The following LONRF2 variants were observed in gnomAD, a reference collection of about 807,000 sequenced individuals.
The protein encoded by LONRF2 is LON peptidase N-terminal domain and ring finger 2, also known as LON peptidase N-terminal domain and RING finger protein 2.
LONRF2 carries 35 observed loss-of-function variants against 66.6 expected under a neutral mutation model. The observed-to-expected ratio is 0.53, with a 90% CI of 0.40 to 0.70. LONRF2 has a LOEUF of 0.70. LONRF2 is among the 30% of genes least tolerant of loss of function. LONRF2 has a pLI of 0.00. For synonymous variants in LONRF2, 417 were observed against 418.1 expected (o/e 1.00, Z 0.03); for missense variants, 902 against 1,002.1 (o/e 0.90, Z 1.35).
chr2:100,315,883 T>C (rs576326168), intron 1 of LONRF2, among the ~76,000 whole-genome samples: 1 of 152,338 alleles, frequency 6.6e-6, no homozygotes, highest in Admixed American at 6.5e-5. Flanking sequence ...TCCTAGCATC[T>C]TGAAATGGAA....
At position 100,290,353 on chromosome 2, in the gene LONRF2, C is replaced by T. The variant is rs938880117; in HGVS notation, c.1825G>A (p.Val609Ile). The stretch of plus-strand genomic sequence containing the variant: ...AACCGACTGATGCCAATCGCGTCTA[C>T]AACAGAACTTCCATCAGGAAACGTT... ...VRTFPDGSSV[V>I]DAIGISRFRV... Residue 609 changes from valine (V) to isoleucine (I), a missense_variant, in exon 10 of 12, where the codon GTA becomes ATA. Val to Ile is a conservative substitution (Grantham distance 29, BLOSUM62 3). Transcript: ENST00000393437. 3.7e-6 allele frequency: 6 copies of T among 1,614,200 alleles called. No individual in the cohort carries two copies. The highest frequency in any genetic ancestry group is 8.5e-7 in the Non-Finnish European group (1 of 1,180,042).
At chr2:100,300,019 A>AAAGG (rs770492793) in intron 4 of LONRF2, 101 bp from the exon 5 acceptor site, 2 of 396,476 alleles carry the variant, frequency 5.0e-6, no homozygotes, top group Non-Finnish European at 9.0e-6. Context: ...GGAAAAAAAA[A>AAAGG]GGGGGGGGCA....
At position 100,321,937 on chromosome 2, in the gene LONRF2, G is replaced by A. The variant is rs1675643046; in HGVS notation, c.157C>T (p.Leu53=). 3.5e-6 allele frequency: 5 copies of A among 1,409,442 alleles called. No homozygotes were observed. Among genetic ancestry groups the A allele is most frequent in the Non-Finnish European group, 4.6e-6 (5 of 1,078,852 alleles). The allele number at this position is 1,409,442 out of a possible 1,614,324, so 87.3% of individuals were successfully genotyped here. A position where few individuals can be genotyped will look rare whatever the true frequency, so the allele number is the denominator to read the frequency against. The change falls in exon 1 of 12, where the codon CTG becomes TTG. Residue 53 remains leucine (L), a synonymous_variant. Transcript: ENST00000393437. ...AELFRSMLAG[L]AQPDRGLCLR... ...CACAGGCCGCGGTCCGGCTGCGCCA[G>A]CCCGGCTAGCATGGAGCGAAAGAGC...
rs1292637362 is a variant in LONRF2 at position 100,322,101 on chromosome 2, G to C, written c.-8C>G. 1 of 1,247,866 alleles carries C rather than the reference G, an allele frequency of 8.0e-7. No homozygotes were observed. The highest frequency in any genetic ancestry group is 1.6e-5 in the African/African-American group (1 of 63,988). The allele number at this position is 1,247,866 out of a possible 1,614,324, so 77.3% of individuals were successfully genotyped here. A position where few individuals can be genotyped will look rare whatever the true frequency, so the allele number is the denominator to read the frequency against. ...GACCGGCTCGGGGCTCATCACCGCGGGGCTGCGACGACGCGGGTCCGGAGC... is the reference window on the plus strand; with the variant it reads ...GACCGGCTCGGGGCTCATCACCGCGCGGCTGCGACGACGCGGGTCCGGAGC... On this transcript the variant is annotated 5_prime_UTR_variant, in exon 1 of 12. Transcript: ENST00000393437.
At chr2:100,321,271 T>A (rs1675617493) in intron 1 of LONRF2, 144 bp downstream of exon 1, 1 of 721,094 alleles carries the variant, frequency 1.4e-6, no homozygotes, top group African/African-American at 1.9e-5. Flanking sequence ...CCTTTCACCT[T>A]CCCATCCTTA....
intron 1 of LONRF2, among the ~76,000 whole-genome samples, chr2:100,311,420 T>C (rs1675406415): frequency 6.6e-6 from 1 of 152,266 alleles, no homozygotes; most frequent in South Asian, 2.1e-4. Context: ...GCTTGGGTTA[T>C]GCCTGCTGCA....
rs1227910865 is a variant in LONRF2, at chr2:100,321,756, A to G, written c.338T>C (p.Leu113Pro). The G allele has an allele frequency of 1.9e-6, 2 of 1,049,198 alleles. No individual in the cohort carries two copies. The highest frequency in any genetic ancestry group is 1.1e-6 in the Non-Finnish European group (1 of 874,394). The allele number at this position is 1,049,198 out of a possible 1,614,324, so 65.0% of individuals were successfully genotyped here. ...VRAVGLRDRP[L>P]SAENPGGEPE... ...CTCGCCGCCCGGGTTCTCCGCGGAC[A>G]GCGGCCGGTCGCGCAGGCCCACGGC... is the stretch of plus-strand genomic sequence containing the variant. The change falls in exon 1 of 12, where the codon CTG becomes CCG. Residue 113 changes from leucine to proline, a missense_variant. By Grantham distance (98) the Leu-to-Pro change is moderately conservative (BLOSUM62 -3). Coordinates refer to ENST00000393437, the MANE Select transcript of LONRF2 (RefSeq NM_198461.4).
Position 100,321,330 on chromosome 2 carries a change from G to C in LONRF2, c.679+85C>G, listed in dbSNP as rs1675618419. 9 of 1,194,856 alleles carry C rather than the reference G, an allele frequency of 7.5e-6. No homozygotes were observed. The East Asian group carries it at 2.9e-4, about 38-fold the overall frequency. The allele number at this position is 1,194,856 out of a possible 1,614,324, so 74.0% of individuals were successfully genotyped here. A position where few individuals can be genotyped will look rare whatever the true frequency, so the allele number is the denominator to read the frequency against. On this transcript the variant is annotated intron_variant, in intron 1 of 11. Transcript: ENST00000393437. ...TAGACAAAGCTCTCGAAAGCCCAAA[G>C]CCTCGGGCCCACCGGCCAGCTCCCC...
At chr2:100,317,670 G>C (rs559069487) in intron 1 of LONRF2, among the ~76,000 whole-genome samples, 2 of 152,008 alleles carry the variant, frequency 1.3e-5, no homozygotes, top group East Asian at 1.9e-4. Context: ...TTTAGCTTGA[G>C]TTATTTCTTT....
At chr2:100,307,360 G>A (rs930201792) in intron 2 of LONRF2, among the ~76,000 whole-genome samples, 9 of 152,162 alleles carry the variant, frequency 5.9e-5, no homozygotes, top group African/African-American at 1.2e-4. Flanking sequence ...ATATTCATTT[G>A]CTGCCTCCCT....
chr2:100,306,915 G>A (rs1210344184), intron 2 of LONRF2, among the ~76,000 whole-genome samples: 1 of 138,056 alleles, frequency 7.2e-6, no homozygotes, highest in Non-Finnish European at 1.5e-5. Context: ...TTTTGAGGTG[G>A]AGTCTCGCTC....
At chr2:100,318,630 C>A (rs1294947468) in intron 1 of LONRF2, among the ~76,000 whole-genome samples, 1 of 147,712 alleles carries the variant, frequency 6.8e-6, no homozygotes, top group East Asian at 2.1e-4. Context: ...AGTTGGAGAT[C>A]AGCCCGGACA....
At position 100,281,855 on chromosome 2, in the gene LONRF2, T is replaced by C. The variant is rs1298343807; in HGVS notation, c.*2443A>G. The C allele has an allele frequency of 6.6e-6, 1 of 151,886 alleles. No individual in the cohort carries two copies. The highest frequency in any genetic ancestry group is 1.5e-5 in the Non-Finnish European group (1 of 67,970). 9.4% of individuals were successfully genotyped at this position (151,886 alleles called of 1,614,324 possible). A position where few individuals can be genotyped will look rare whatever the true frequency, so the allele number is the denominator to read the frequency against. On this transcript the variant is annotated 3_prime_UTR_variant, in exon 12 of 12. Coordinates refer to ENST00000393437, the MANE Select transcript of LONRF2 (RefSeq NM_198461.4). ...GAGGAGGAAGCAGACCGTTCTGCTTTAGCTTAATTGGTAGCAAACTGAAGC... is the reference window on the plus strand; with the variant it reads ...GAGGAGGAAGCAGACCGTTCTGCTTCAGCTTAATTGGTAGCAAACTGAAGC...
At chr2:100,300,190 CAT>C (rs1430515578) in intron 4 of LONRF2, among the ~76,000 whole-genome samples, 2 of 152,180 alleles carry the variant, frequency 1.3e-5, no homozygotes, top group East Asian at 1.9e-4. Context: ...CACACACACA[CAT>C]ACACATACAC....
At chr2:100,299,177 A>G in intron 6 of LONRF2, 49 bp downstream of exon 6, 1 of 1,375,312 alleles carries the variant, frequency 7.3e-7, no homozygotes, top group Non-Finnish European at 1.0e-6. Flanking sequence ...TATACATTTC[A>G]GAAAGGCTGC....
rs1333964452 is a variant in LONRF2, at chr2:100,273,804, T to C, written c.*10494A>G. 6.6e-6 allele frequency: 1 copy of C among 152,206 alleles called. No individual in the cohort carries two copies. Among genetic ancestry groups the C allele is most frequent in the Non-Finnish European group, 1.5e-5 (1 of 68,040 alleles). 9.4% of individuals were successfully genotyped at this position (152,206 alleles called of 1,614,324 possible). On this transcript the variant is annotated 3_prime_UTR_variant, in exon 12 of 12. Transcript: ENST00000393437. The stretch of plus-strand genomic sequence containing the variant: ...ATTCAATTCCTAATTGGTAAAATCA[T>C]TTCACAACTCTAAAATTAAGATGCT...
chr2:100,299,262 A>G lies in LONRF2; in HGVS notation c.1325T>C (p.Leu442Pro). Residue 442 changes from leucine to proline, a missense_variant, in exon 6 of 12, where the codon CTT becomes CCT. By Grantham distance (98) the Leu-to-Pro change is moderately conservative (BLOSUM62 -3). Coordinates refer to ENST00000393437, the MANE Select transcript of LONRF2 (RefSeq NM_198461.4). ...GGCACACTCAAAGTCAGTTACATCAAGCGAGAGCCCCTGACTTTCTTCTGT... is the reference window on the plus strand; with the variant it reads ...GGCACACTCAAAGTCAGTTACATCAGGCGAGAGCCCCTGACTTTCTTCTGT... ...SETEESQGLS[L>P]DVTDFECALC... 6.3e-7 allele frequency: 1 copy of G among 1,595,126 alleles called. No homozygotes were observed. The highest frequency in any genetic ancestry group is 1.1e-5 in the South Asian group (1 of 88,448).
intron 2 of LONRF2, 113 bp from the exon 3 acceptor site, chr2:100,303,156 C>G: frequency 8.8e-7 from 1 of 1,137,532 alleles, no homozygotes; most frequent in Non-Finnish European, 1.2e-6. Flanking sequence ...TTTCACATTA[C>G]ATAGAATAAA....
Position 100,277,297 on chromosome 2 carries a change from T to A in LONRF2, c.*7001A>T, listed in dbSNP as rs947801885. The A allele has an allele frequency of 6.6e-6, 1 of 152,228 alleles. No individual in the cohort carries two copies. The highest frequency in any genetic ancestry group is 2.1e-4 in the South Asian group (1 of 4,834). The allele number at this position is 152,228 out of a possible 1,614,324, so 9.4% of individuals were successfully genotyped here. On this transcript the variant is annotated 3_prime_UTR_variant, in exon 12 of 12. Transcript: ENST00000393437. The stretch of plus-strand genomic sequence containing the variant: ...GAAACTATCCCTCTCAGCCTCATGC[T>A]ACCCTATTAAAGCAGTAAATGGCTG...
Sources: gnomAD v4.1 joint callset for allele counts (sites outside exome capture counted in the v4.1 genomes callset) on GRCh38, gnomAD v4.1.1 for gene constraint, MANE v1.5 for transcripts, NCBI Gene and HGNC (gene_info 2026-07-23, HGNC 2026-07-21) for gene names.